Variants in TNIK observed in about 807,000 individuals in gnomAD.
TNIK encodes TRAF2 and NCK interacting kinase.
A neutral mutation model predicts 191.3 loss-of-function variants in TNIK; 49 were observed. The observed-to-expected ratio is 0.26, with a 90% confidence interval of 0.20 to 0.32. TNIK has a LOEUF of 0.32. Among genes scored for constraint, TNIK ranks in the 10% least tolerant of loss-of-function variants. TNIK has a pLI of 1.00. For synonymous variants in TNIK, 594 were observed against 600.9 expected (o/e 0.99, Z 0.17); for missense variants, 1,155 against 1,702.3 (o/e 0.68, Z 5.66).
At chr3:171,283,059 AC>A (rs1473056905) in intron 2 of TNIK, among the ~76,000 whole-genome samples, 2 of 151,934 alleles carry the variant, frequency 1.3e-5, no homozygotes, top group Non-Finnish European at 2.9e-5. Context: ...AGAAAACGTG[AC>A]CTTTATCAAG....
At chr3:171,253,981 T>C (rs1202626728) in intron 2 of TNIK, among the ~76,000 whole-genome samples, 3 of 152,218 alleles carry the variant, frequency 2.0e-5, no homozygotes, top group African/African-American at 4.8e-5. Context: ...GATCCATTTT[T>C]CTGGACATGA....
intron 13 of TNIK, 34 bp from the exon 14 acceptor site, chr3:171,139,590 C>T (rs1560169358): frequency 6.2e-7 from 1 of 1,604,686 alleles, no homozygotes; most frequent in Non-Finnish European, 8.5e-7. Context: ...TTCAGAGGAA[C>T]AGAAAGAAAG....
rs201193783 is a variant in TNIK at position 171,101,596 on chromosome 3, C to T, written c.2444G>A (p.Arg815Gln). The T allele has an allele frequency of 3.7e-4, 603 of 1,613,128 alleles. 4 individuals carry two copies. Among genetic ancestry groups the T allele is most frequent in the South Asian group, 1.8e-4 (16 of 91,038 alleles). Residue 815 changes from arginine (R) to glutamine (Q), a missense_variant, in exon 22 of 33, where the codon CGG (arginine) becomes CAG (glutamine). Transcript: ENST00000436636. The stretch of plus-strand genomic sequence containing the variant: ...CATTGGGCGGTTTGTTTCTTCAATC[C>T]GGAGTTCTCTTAGTTCTTTGGCTAA... Reference protein sequence around the residue: ...TALAKELRELRIEETNRPMKK... With the variant: ...TALAKELRELQIEETNRPMKK...
chr3:171,166,071 G>A (rs986303750), intron 10 of TNIK, among the ~76,000 whole-genome samples: 2 of 152,198 alleles, frequency 1.3e-5, no homozygotes, highest in Non-Finnish European at 2.9e-5. Flanking sequence ...GCACAGGGTA[G>A]GGGAGTGCTG....
chr3:171,405,986 A>C (rs1721618461), intron 1 of TNIK, among the ~76,000 whole-genome samples: 1 of 152,210 alleles, frequency 6.6e-6, no homozygotes, highest in Non-Finnish European at 1.5e-5. Context: ...TAAAAATGGA[A>C]AGGGCGGGAG....
rs1746659998 is a variant in TNIK, at chr3:171,254,897, T to C, written c.124-26676A>G. Among the ~76,000 whole-genome samples the C allele has an allele frequency of 2.0e-5, 3 of 152,228 alleles. No homozygotes were observed. In the South Asian group the frequency reaches 6.2e-4, roughly 32 times the overall value. On this transcript the variant is annotated intron_variant, in intron 2 of 32. Coordinates refer to ENST00000436636, the MANE Select transcript of TNIK (RefSeq NM_015028.4). ...TTTCACAGTTTTTGAATAAGCAAGA[T>C]AAACGTTATAATTTGGAGTATGGTA...
chr3:171,448,113 A>G (rs1560087491), intron 1 of TNIK, among the ~76,000 whole-genome samples: 1 of 152,146 alleles, frequency 6.6e-6, no homozygotes, highest in Non-Finnish European at 1.5e-5. Flanking sequence ...TATGGGGGAT[A>G]ATTGTTCAGT....
At chr3:171,235,195 C>T (rs1744113032) in intron 2 of TNIK, among the ~76,000 whole-genome samples, 1 of 152,130 alleles carries the variant, frequency 6.6e-6, no homozygotes, top group Admixed American at 6.5e-5. Flanking sequence ...GTTCCCACTA[C>T]CATGCCCAGC....
chr3:171,235,283 C>T (rs1269321892), intron 2 of TNIK, among the ~76,000 whole-genome samples: 1 of 152,186 alleles, frequency 6.6e-6, no homozygotes, highest in Non-Finnish European at 1.5e-5. Context: ...CTCAAGTGAT[C>T]TGCCCACCTT....
intron 12 of TNIK, among the ~76,000 whole-genome samples, chr3:171,153,450 C>A (rs1031198599): frequency 6.6e-6 from 1 of 152,182 alleles, no homozygotes; most frequent in African/African-American, 2.4e-5. Flanking sequence ...TCTTCCTCAT[C>A]CCTGATGTCT....
chr3:171,316,767 T>G (rs903794000), intron 2 of TNIK, among the ~76,000 whole-genome samples: 10 of 152,030 alleles, frequency 6.6e-5, no homozygotes, highest in Non-Finnish European at 1.5e-4. Flanking sequence ...TTTTGTGTCC[T>G]CCTGCCTGAA....
At chr3:171,333,085 GCC>G (rs1340096570) in intron 2 of TNIK, among the ~76,000 whole-genome samples, 2 of 152,100 alleles carry the variant, frequency 1.3e-5, no homozygotes, top group East Asian at 3.9e-4. Context: ...TAGGGAAGAG[GCC>G]CCAGTTGATG....
chr3:171,149,028 T>C (rs578000373), intron 12 of TNIK, among the ~76,000 whole-genome samples: 3 of 152,352 alleles, frequency 2.0e-5, no homozygotes, highest in South Asian at 2.1e-4. Flanking sequence ...TCTATGATTC[T>C]ATAAAACCAC....
At chr3:171,389,990 A>G (rs1719255520) in intron 1 of TNIK, among the ~76,000 whole-genome samples, 1 of 152,196 alleles carries the variant, frequency 6.6e-6, no homozygotes, top group South Asian at 2.1e-4. Context: ...ATACAATACA[A>G]CATGATGCAA....
At chr3:171,434,002 G>A (rs1363081497) in intron 1 of TNIK, among the ~76,000 whole-genome samples, 5 of 118,894 alleles carry the variant, frequency 4.2e-5, no homozygotes, top group African/African-American at 1.3e-4. Context: ...CTGGAGTGCA[G>A]AAGCATGAGC....
At chr3:171,235,384 C>A (rs1336737421) in intron 2 of TNIK, among the ~76,000 whole-genome samples, 1 of 152,142 alleles carries the variant, frequency 6.6e-6, no homozygotes, top group Non-Finnish European at 1.5e-5. Flanking sequence ...AGGACTAACC[C>A]CCCTAGGTGT....
At chr3:171,212,369 C>T (rs1740940707) in intron 3 of TNIK, among the ~76,000 whole-genome samples, 1 of 151,672 alleles carries the variant, frequency 6.6e-6, no homozygotes, top group African/African-American at 2.4e-5. Context: ...GTCAAGTCCC[C>T]CCACTGCATC....
intron 12 of TNIK, among the ~76,000 whole-genome samples, chr3:171,144,074 C>T (rs1490306421): frequency 6.6e-6 from 1 of 152,188 alleles, no homozygotes; most frequent in African/African-American, 2.4e-5. Context: ...AGTGGTCCTG[C>T]TATCAGAAAA....
intron 2 of TNIK, among the ~76,000 whole-genome samples, chr3:171,306,350 C>G (rs188654352): frequency 6.6e-6 from 1 of 152,010 alleles, no homozygotes; most frequent in Non-Finnish European, 1.5e-5. Flanking sequence ...TGCACGTGTA[C>G]CCCTGAAGCT....
Sources: allele counts gnomAD v4.1 joint callset (sites outside exome capture counted in the v4.1 genomes callset), GRCh38; gene constraint gnomAD v4.1.1; transcripts MANE v1.5; gene names NCBI Gene and HGNC (gene_info 2026-07-23, HGNC 2026-07-21).